Variants in MUC22 observed in about 807,000 individuals in gnomAD.
The protein encoded by MUC22 is mucin-22.
In MUC22, 24 loss-of-function variants were observed where a neutral mutation model predicts 40.3. That is an observed-to-expected ratio of 0.60 (90% CI 0.43 to 0.84). MUC22 has a LOEUF of 0.84. MUC22 is among the 40% of genes least tolerant of loss of function. The pLI is 0.00. For synonymous variants in MUC22, 765 were observed against 844.5 expected (o/e 0.91, Z 1.63); for missense variants, 1,926 against 2,130.7 (o/e 0.90, Z 1.89).
exon 2 of MUC22, chr6:31,026,114 C>A: frequency 6.5e-7 from 1 of 1,531,906 alleles, no homozygotes; most frequent in Non-Finnish European, 8.7e-7. Flanking sequence ...ACCACCACTA[C>A]CTCCACCTCC....
At chr6:31,027,682 A>G in exon 2 of MUC22, 1 of 1,529,816 alleles carries the variant, frequency 6.5e-7, no homozygotes, top group Non-Finnish European at 8.7e-7. Flanking sequence ...AGTCTTTACC[A>G]TAGGCTCTGA....
At chr6:31,021,856 A>C (rs939931192) in intron 1 of MUC22, among the ~76,000 whole-genome samples, 6 of 152,064 alleles carry the variant, frequency 3.9e-5, no homozygotes, top group East Asian at 1.9e-4. Context: ...GTCGTTTTCC[A>C]CACTGTGGAA....
chr6:31,029,097 C>T, exon 2 of MUC22: 4 of 1,534,904 alleles, frequency 2.6e-6, no homozygotes, highest in Non-Finnish European at 3.5e-6. Context: ...CTACTATGGG[C>T]TCTGAGACCA....
chr6:31,013,711 G>A (rs9262465), intron 1 of MUC22, among the ~76,000 whole-genome samples: 29,472 of 152,054 alleles, frequency 0.19, 2,983 homozygotes, highest in Admixed American at 0.24. Context: ...TCACCCAGGC[G>A]GGAATGCAGA....
Position 31,032,638 on chromosome 6 carries a change from T to G in MUC22, c.5055+57T>G. ...CTGGCAAGAAGGCAGGGGGGAATCA[T>G]GTCAGCAGTGCTTTGGAAAAATCCA... On this transcript the variant is annotated intron_variant, in intron 3 of 3. Transcript: ENST00000561890. This position sits in a 1 kb window ranked among gnomAD's most constrained non-coding sequence, Gnocchi z 4.1. The G allele has an allele frequency of 6.8e-7, 1 of 1,479,502 alleles. No individual in the cohort carries two copies. Among genetic ancestry groups the G allele is most frequent in the Admixed American group, 2.2e-5 (1 of 45,810 alleles). 91.6% of individuals were successfully genotyped at this position (1,479,502 alleles called of 1,614,324 possible). A position where few individuals can be genotyped will look rare whatever the true frequency, so the allele number is the denominator to read the frequency against.
intron 1 of MUC22, among the ~76,000 whole-genome samples, chr6:31,017,748 A>G (rs1764337000): frequency 7.5e-6 from 1 of 133,284 alleles, no homozygotes; most frequent in East Asian, 2.3e-4. Context: ...CTGTAAAACC[A>G]ATCGGCGCTC....
At chr6:31,024,724 G>A (rs950298223) in intron 1 of MUC22, among the ~76,000 whole-genome samples, 5 of 152,078 alleles carry the variant, frequency 3.3e-5, no homozygotes, top group Non-Finnish European at 7.4e-5. Context: ...CTACCGCCTC[G>A]TTTTCTCCTT....
intron 2 of MUC22, among the ~76,000 whole-genome samples, chr6:31,030,516 C>CA (rs372027490): frequency 0.39 from 50,039 of 127,244 alleles, 9,857 homozygotes; most frequent in African/African-American, 0.41. Context: ...GACTCCGTCT[C>CA]AAAAAAAAAA....
intron 1 of MUC22, among the ~76,000 whole-genome samples, chr6:31,015,313 C>G (rs1764116843): frequency 6.6e-6 from 1 of 151,958 alleles, no homozygotes; most frequent in Non-Finnish European, 1.5e-5. Flanking sequence ...GTTAAGATGT[C>G]AAAACATGAT....
At chr6:31,033,221 A>G (rs60105357) in intron 3 of MUC22, among the ~76,000 whole-genome samples, 7,515 of 151,706 alleles carry the variant, frequency 0.05, 390 homozygotes, top group African/African-American at 0.12. Context: ...GAGAGAGAGA[A>G]AAAGAGAAAG....
At chr6:31,029,835 C>T (rs1209148507) in exon 2 of MUC22, 9 of 1,470,452 alleles carry the variant, frequency 6.1e-6, no homozygotes, top group Non-Finnish European at 8.1e-6. Context: ...CCAACACAGC[C>T]TGTACCACAG....
Position 31,032,228 on chromosome 6 carries a change from T to C in MUC22, c.4702T>C (p.Ser1568Pro). 1 of 1,535,506 alleles carries C rather than the reference T, an allele frequency of 6.5e-7. No individual in the cohort carries two copies. Residue 1568 changes from serine (S) to proline (P), a missense_variant, in exon 3 of 4, where the codon TCC becomes CCC. Physicochemically the swap from Ser to Pro is moderately conservative, Grantham distance 74. Coordinates refer to ENST00000561890, the Ensembl canonical transcript of MUC22. The surrounding 1 kb of genome is among the most constrained non-coding windows in gnomAD (Gnocchi z 4.1). The stretch of plus-strand genomic sequence containing the variant: ...AACCACTGGAACCAGACTCACTGCC[T>C]CCAGCTCTGTCACCATGGCCCCTGG...
At chr6:31,029,438 C>T (rs1765830025) in exon 2 of MUC22, 2 of 1,534,960 alleles carry the variant, frequency 1.3e-6, no homozygotes, top group Non-Finnish European at 1.7e-6. Context: ...TTGGAGACCA[C>T]CACAGTCTCC....
In MUC22 at chr6:31,010,650, A is replaced by ATC; in HGVS notation, c.-56_-55dup. On this transcript the variant is annotated 5_prime_UTR_variant, in exon 1 of 4. It removes the in-frame stop codon of an upstream open reading frame in the 5' UTR. Transcript: ENST00000561890. Reference sequence around the variant, plus strand: ...CCTTGTCTCTCTGCCTCTTTGACCTATCCTTCCTTTGGAACCCAGGCATCT... The same window carrying ATC: ...CCTTGTCTCTCTGCCTCTTTGACCTATCTCCTTCCTTTGGAACCCAGGCATCT... The ATC allele has an allele frequency of 1.4e-6, 1 of 701,874 alleles. No homozygotes were observed. 43.5% of individuals were successfully genotyped at this position (701,874 alleles called of 1,614,324 possible).
chr6:31,027,355 G>A, exon 2 of MUC22: 1 of 1,533,506 alleles, frequency 6.5e-7, no homozygotes, highest in South Asian at 1.2e-5. Flanking sequence ...TTCCACTGAA[G>A]GCTCTGAGGC....
upstream of MUC22, among the ~76,000 whole-genome samples, chr6:31,010,313 C>A (rs1178724863): frequency 2.0e-5 from 3 of 152,122 alleles, no homozygotes; most frequent in African/African-American, 7.2e-5. Flanking sequence ...GTCTTGCCGA[C>A]TCTGCTCTCT....
At chr6:31,033,963 AATTACTTTATTATTTC>A (rs770864226) in intron 3 of MUC22, among the ~76,000 whole-genome samples, 13 of 152,340 alleles carry the variant, frequency 8.5e-5, no homozygotes, top group Middle Eastern at 3.4e-3. Context: ...TTACTCCCTA[AATTACTTTATTATTTC>A]ATTTGCAAGA....
rs982895536 is a variant in MUC22 at position 31,026,291 on chromosome 6, C to G, written c.860C>G (p.Thr287Ser). The G allele has an allele frequency of 2.6e-6, 4 of 1,516,910 alleles. No individual in the cohort carries two copies. In the East Asian group the frequency reaches 9.8e-5, roughly 37 times the overall value. 94.0% of individuals were successfully genotyped at this position (1,516,910 alleles called of 1,614,324 possible). The change falls in exon 2 of 4, where the codon ACC (threonine) becomes AGC (serine). Residue 287 changes from threonine (T) to serine (S), a missense_variant. Around this residue, in one of 3 missense-constraint regions of MUC22, gnomAD observed 1,281 missense variants for 1,337.8 expected, o/e 0.96. Coordinates refer to ENST00000561890, the Ensembl canonical transcript of MUC22. The stretch of plus-strand genomic sequence containing the variant: ...ACAATCCTGATTAAAGCCTCTGAGA[C>G]CACCACAGCCTCTACAGCAGGTTCT...
Position 31,032,550 on chromosome 6 carries a change from T to C in MUC22, c.5024T>C (p.Val1675Ala). The change falls in exon 3 of 4, where the codon GTT becomes GCT. Residue 1675 changes from valine (V) to alanine (A), a missense_variant. Val to Ala is a moderately conservative substitution (Grantham distance 64, BLOSUM62 0). Coordinates refer to ENST00000561890, the Ensembl canonical transcript of MUC22. The surrounding 1 kb of genome is among the most constrained non-coding windows in gnomAD (Gnocchi z 4.1). ...TCCCTGGCTGCAGTTGTGGCTGCTG[T>C]TGGATTGTCAGTAGGACTGAGTTTT... The C allele has an allele frequency of 1.3e-6, 2 of 1,535,408 alleles. No individual in the cohort carries two copies. The highest frequency in any genetic ancestry group is 1.7e-6 in the Non-Finnish European group (2 of 1,146,758).
Sources: gnomAD v4.1 joint callset for allele counts (sites outside exome capture counted in the v4.1 genomes callset) on GRCh38, gnomAD v4.1.1 for gene constraint, gnomAD v4.1.1 regional missense constraint, Gnocchi (gnomAD v3.1) non-coding constraint, MANE v1.5 for transcripts, NCBI Gene and HGNC (gene_info 2026-07-23, HGNC 2026-07-21) for gene names.